The following DMD variants were observed in gnomAD, a reference collection of about 807,000 sequenced individuals.
DMD encodes the protein dystrophin, also known as mutant dystrophin.
DMD carries 63 observed loss-of-function variants against 330.1 expected under a neutral mutation model. The ratio of observed to expected loss-of-function variants is 0.19; its 90% CI spans 0.16 to 0.24. The LOEUF (loss-of-function observed/expected upper bound fraction) is 0.24. Among genes scored for constraint, DMD ranks in the 10% least tolerant of loss-of-function variants. The probability of loss-of-function intolerance (pLI) is 1.00; values close to 1 mark genes in which losing one functional copy is unlikely to be tolerated. For missense variants in DMD, 3,344 were observed against 2,684.1 expected, an observed-to-expected ratio of 1.25 and a Z score of -5.43; for synonymous variants, 1,223 against 959.8, an observed-to-expected ratio of 1.27 and a Z score of -5.07.
intron 74 of DMD, among the ~76,000 whole-genome samples, chrX:31,162,119 CT>C (rs1190354341): frequency 9.0e-6 from 1 of 111,031 alleles, no homozygotes; most frequent in East Asian, 2.8e-4. Flanking sequence ...TCTATTTTAA[CT>C]TTTTTAAAAT....
At chrX:31,182,984 A>C in intron 67 of DMD, 80 bp from the exon 68 acceptor site, 3 of 828,246 alleles carry the variant, frequency 3.6e-6, no homozygotes, top group Non-Finnish European at 5.2e-6. Flanking sequence ...GGTGTATATC[A>C]GTTCGATTAA....
intron 62 of DMD, among the ~76,000 whole-genome samples, chrX:31,298,702 A>T (rs769069453): frequency 8.9e-6 from 1 of 111,997 alleles, no homozygotes; most frequent in South Asian, 3.8e-4. Context: ...CTCTTCATCC[A>T]CGTAGGAAAC....
At chrX:31,482,786 T>C (rs1051128044) in intron 57 of DMD, among the ~76,000 whole-genome samples, 5 of 111,552 alleles carry the variant, frequency 4.5e-5, no homozygotes, top group African/African-American at 1.6e-4. Flanking sequence ...GATAAGAAGT[T>C]CTTTTTAGCA....
At chrX:32,868,175 C>A (rs967188944) in intron 2 of DMD, among the ~76,000 whole-genome samples, 1 of 111,965 alleles carries the variant, frequency 8.9e-6, no homozygotes, top group Admixed American at 9.4e-5. Context: ...ATTGTCCTAC[C>A]CTGCCTGGGA....
intron 44 of DMD, among the ~76,000 whole-genome samples, chrX:32,015,187 A>C (rs2095750808): frequency 8.9e-6 from 1 of 111,775 alleles, no homozygotes; most frequent in Non-Finnish European, 1.9e-5. Context: ...TCCCCAGGTG[A>C]TTCAGATACG....
chrX:32,993,284 T>C (rs980337591), intron 2 of DMD, among the ~76,000 whole-genome samples: 1 of 112,131 alleles, frequency 8.9e-6, no homozygotes, highest in African/African-American at 3.2e-5. Context: ...AACCCGTTTA[T>C]GTGTCATAAC....
intron 55 of DMD, among the ~76,000 whole-genome samples, chrX:31,615,565 T>C (rs969400177): frequency 3.6e-5 from 4 of 111,810 alleles, no homozygotes; most frequent in Non-Finnish European, 5.6e-5. Flanking sequence ...CAGTATAATA[T>C]GTTTGTTATC....
rs189845397 is a variant in DMD at position 32,891,184 on chromosome X, A to G, written c.94-41364T>C. On this transcript the variant is annotated intron_variant, in intron 2 of 78. Transcript: ENST00000357033. ...AGTACAGTTCAAAAATAGGGCAAAA[A>G]TTCAGAGTTACTTCTTCCACATCTG... Among the ~76,000 whole-genome samples, 7 of 112,152 alleles carry G rather than the reference A, an allele frequency of 6.2e-5. No individual in the cohort carries two copies. In the Admixed American group the frequency reaches 6.6e-4, roughly 11 times the overall value.
intron 54 of DMD, among the ~76,000 whole-genome samples, chrX:31,633,098 C>T (rs990607367): frequency 2.7e-5 from 3 of 111,399 alleles, no homozygotes; most frequent in African/African-American, 6.5e-5. Flanking sequence ...AACTGTAAGG[C>T]GAGGAATATA....
intron 44 of DMD, among the ~76,000 whole-genome samples, chrX:32,031,280 C>T (rs183732552): frequency 1.9e-4 from 21 of 111,190 alleles, no homozygotes; most frequent in South Asian, 3.7e-4. Context: ...CTTAGTTCAA[C>T]GCAAGAGAAA....
intron 18 of DMD, among the ~76,000 whole-genome samples, chrX:32,505,385 T>C (rs781482025): frequency 2.7e-5 from 3 of 112,160 alleles, no homozygotes; most frequent in African/African-American, 9.7e-5. Flanking sequence ...AAAGGAAGTA[T>C]ACAGATGGCA....
chrX:31,370,093 C>T (rs1275662394), intron 60 of DMD, among the ~76,000 whole-genome samples: 15 of 62,682 alleles, frequency 2.4e-4, no homozygotes, highest in African/African-American at 2.9e-4. Context: ...AGCGAGGCTC[C>T]GTCTCAAAAA....
chrX:32,977,418 G>T (rs1304285473), intron 2 of DMD, among the ~76,000 whole-genome samples: 2 of 111,251 alleles, frequency 1.8e-5, no homozygotes, highest in Non-Finnish European at 1.9e-5. Context: ...TTTATTTTAG[G>T]ACTGTGGCCG....
At chrX:33,163,599 T>C (rs1020098917) in intron 1 of DMD, among the ~76,000 whole-genome samples, 5 of 100,922 alleles carry the variant, frequency 5.0e-5, no homozygotes, top group African/African-American at 7.1e-5. Flanking sequence ...TATCTATATC[T>C]ATATATATCT....
Position 31,479,288 on chromosome X carries a change from C to T in DMD, c.8548-185G>A, listed in dbSNP as rs757544263. ...TGGGTCTATCTGTTAATGAGGAAAGCGCTGTGTTTGTAAAGCTATTCTGGG... is the reference window on the plus strand; with the variant it reads ...TGGGTCTATCTGTTAATGAGGAAAGTGCTGTGTTTGTAAAGCTATTCTGGG... On this transcript the variant is annotated intron_variant, in intron 57 of 78. Transcript: ENST00000357033. Among the ~76,000 whole-genome samples, 4 of 111,579 alleles carry T rather than the reference C, an allele frequency of 3.6e-5. No individual in the cohort carries two copies. In the South Asian group the frequency reaches 1.1e-3, roughly 31 times the overall value.
chrX:32,214,960 GAGA>G (rs2147850140), intron 44 of DMD, among the ~76,000 whole-genome samples: 1 of 111,364 alleles, frequency 9.0e-6, no homozygotes, highest in South Asian at 3.7e-4. Context: ...AAAATTAGTA[GAGA>G]AGAATATTCT....
intron 3 of DMD, among the ~76,000 whole-genome samples, chrX:32,845,980 C>G (rs745710990): frequency 9.0e-6 from 1 of 110,869 alleles, no homozygotes; most frequent in South Asian, 3.8e-4. Context: ...TGCTGTCTCA[C>G]AGGATCCAGA....
intron 2 of DMD, among the ~76,000 whole-genome samples, chrX:32,922,279 C>A (rs1377304004): frequency 9.1e-6 from 1 of 109,909 alleles, no homozygotes; most frequent in Non-Finnish European, 1.9e-5. Flanking sequence ...GTAATAAAAA[C>A]AATTGTATTC....
At position 32,374,411 on chromosome X, in the gene DMD, T is replaced by C. The variant is rs747555530; in HGVS notation, c.4845+6099A>G. Reference sequence around the variant, plus strand: ...GTCCAGAAGAACTTTTCCTAGGTTTTATTCTAGGATTTTTAGTAGTTTCAG... The same window carrying C: ...GTCCAGAAGAACTTTTCCTAGGTTTCATTCTAGGATTTTTAGTAGTTTCAG... On this transcript the variant is annotated intron_variant, in intron 34 of 78. Coordinates refer to ENST00000357033, the MANE Select transcript of DMD (RefSeq NM_004006.3). Among the ~76,000 whole-genome samples the C allele has an allele frequency of 3.6e-5, 4 of 111,943 alleles. No homozygotes were observed. In the East Asian group the frequency reaches 1.1e-3, roughly 31 times the overall value.
Sources: gnomAD v4.1 joint callset for allele counts (sites outside exome capture counted in the v4.1 genomes callset) on GRCh38, gnomAD v4.1.1 for gene constraint, MANE v1.5 for transcripts, NCBI Gene and HGNC (gene_info 2026-07-23, HGNC 2026-07-21) for gene names.